Variants in GABRA2 observed in about 807,000 individuals in gnomAD.
The protein encoded by GABRA2 is gamma-aminobutyric acid receptor subunit alpha-2.
GABRA2 carries 16 observed loss-of-function variants against 48.7 expected under a neutral mutation model. That is an observed-to-expected ratio of 0.33 (90% CI 0.22 to 0.50). The LOEUF (loss-of-function observed/expected upper bound fraction) is 0.50, where lower values mean the gene tolerates loss of function less well. GABRA2 is among the 20% of genes least tolerant of loss of function. The pLI, the probability that GABRA2 is intolerant of heterozygous loss-of-function variation, is 0.98. For synonymous variants in GABRA2, 185 were observed against 184.5 expected (o/e 1.00, Z -0.02); for missense variants, 275 against 535.6 (o/e 0.51, Z 4.80).
At chr4:46,260,727 A>T (rs540053003) in intron 9 of GABRA2, 5 of 151,968 alleles carry the variant, frequency 3.3e-5, no homozygotes, top group Non-Finnish European at 5.9e-5. Context: ...ATTGTAATGG[A>T]AATGCTGAAA....
intron 4 of GABRA2, among the ~76,000 whole-genome samples, chr4:46,323,167 CAT>C (rs1729745389): frequency 1.3e-5 from 2 of 151,908 alleles, no homozygotes; most frequent in African/African-American, 2.4e-5. Context: ...ATCATTTGGG[CAT>C]ATCGCTATAA....
intron 3 of GABRA2, among the ~76,000 whole-genome samples, chr4:46,376,042 G>A (rs544532320): frequency 1.3e-5 from 2 of 152,256 alleles, no homozygotes; most frequent in African/African-American, 2.4e-5. Context: ...GAATGACAGT[G>A]TACATGCCTC....
Position 46,318,114 on chromosome 4 carries a change from G to A in GABRA2, c.256-5398C>T, listed in dbSNP as rs983134561. 4.0e-5 allele frequency among the ~76,000 whole-genome samples: 6 copies of A among 151,164 alleles called. No homozygotes were observed. In the South Asian group the frequency reaches 8.3e-4, roughly 21 times the overall value. On this transcript the variant is annotated intron_variant, in intron 4 of 9. Coordinates refer to ENST00000381620, the MANE Select transcript of GABRA2 (RefSeq NM_000807.4). ...ATAAATTTAGAATCTTTTAATTGCT[G>A]CAACATAATCTATTTAAGAAAAATA...
At chr4:46,337,281 G>C (rs1732410341) in intron 3 of GABRA2, among the ~76,000 whole-genome samples, 1 of 152,084 alleles carries the variant, frequency 6.6e-6, no homozygotes, top group African/African-American at 2.4e-5. Flanking sequence ...ATGGTCCTGA[G>C]CATCCTCTAA....
intron 8 of GABRA2, among the ~76,000 whole-genome samples, chr4:46,283,326 T>A (rs1037643255): frequency 6.6e-6 from 1 of 152,114 alleles, no homozygotes; most frequent in African/African-American, 2.4e-5. Flanking sequence ...GTATAATGAC[T>A]GGAGTATCAA....
At position 46,330,563 on chromosome 4, in the gene GABRA2, C is replaced by CATATATATATATAT. The variant is rs71955894; in HGVS notation, c.255+2038_255+2051dup. Among the ~76,000 whole-genome samples, 4 of 128,362 alleles carry CATATATATATATAT rather than the reference C, an allele frequency of 3.1e-5. No individual in the cohort carries two copies. In the East Asian group the frequency reaches 7.9e-4, roughly 25 times the overall value. The allele number at this position is 128,362 out of a possible 152,430, so 84.2% of individuals were successfully genotyped here. A position where few individuals can be genotyped will look rare whatever the true frequency, so the allele number is the denominator to read the frequency against. On this transcript the variant is annotated intron_variant, in intron 4 of 9. Transcript: ENST00000381620. ...GTTTGCATTTATGTATGTATATATG[C>CATATATATATATAT]ATATATATATATATATATATATATA...
At chr4:46,358,343 A>G (rs1736338402) in intron 3 of GABRA2, among the ~76,000 whole-genome samples, 1 of 152,190 alleles carries the variant, frequency 6.6e-6, no homozygotes, top group African/African-American at 2.4e-5. Context: ...CTGTTATTTA[A>G]CCTGCTATAC....
intron 3 of GABRA2, among the ~76,000 whole-genome samples, chr4:46,355,626 T>C (rs1012748766): frequency 6.6e-6 from 1 of 152,204 alleles, no homozygotes; most frequent in Non-Finnish European, 1.5e-5. Context: ...CTCATTTCAA[T>C]ATGTAGCAAT....
chr4:46,383,854 A>C lies in GABRA2; in HGVS notation c.187+2220T>G, dbSNP rs145153326. On this transcript the variant is annotated intron_variant, in intron 3 of 9. Transcript: ENST00000381620. ...AAGGAATAGATGAGAATGAATTATC[A>C]AGAGAAAATAAATAGATGTGTTTGA... is the stretch of plus-strand genomic sequence containing the variant. Among the ~76,000 whole-genome samples the C allele has an allele frequency of 8.4e-3, 1,282 of 152,294 alleles. 10 individuals are homozygous for C. The highest frequency in any genetic ancestry group is 0.029 in the African/African-American group (1,205 of 41,562).
chr4:46,262,658 C>T (rs1173452241), intron 8 of GABRA2, among the ~76,000 whole-genome samples: 10 of 152,080 alleles, frequency 6.6e-5, no homozygotes, highest in East Asian at 1.9e-4. Flanking sequence ...CCAGCACTTT[C>T]GGAAGCCGAA....
At chr4:46,348,426 C>T (rs1436894981) in intron 3 of GABRA2, among the ~76,000 whole-genome samples, 1 of 151,906 alleles carries the variant, frequency 6.6e-6, no homozygotes, top group Non-Finnish European at 1.5e-5. Context: ...CATTACTGGG[C>T]ATATAACCAA....
chr4:46,287,326 T>C (rs1420701014), intron 8 of GABRA2, among the ~76,000 whole-genome samples: 1 of 152,094 alleles, frequency 6.6e-6, no homozygotes, highest in Non-Finnish European at 1.5e-5. Flanking sequence ...CAGGCTCTTT[T>C]TTGGTTCTAC....
intron 4 of GABRA2, among the ~76,000 whole-genome samples, chr4:46,327,836 A>G (rs1730650605): frequency 6.6e-6 from 1 of 152,060 alleles, no homozygotes; most frequent in Non-Finnish European, 1.5e-5. Context: ...TAAACTCTGT[A>G]TCAGATATTT....
chr4:46,349,502 C>T (rs1194444849), intron 3 of GABRA2, among the ~76,000 whole-genome samples: 1 of 151,888 alleles, frequency 6.6e-6, no homozygotes, highest in South Asian at 2.1e-4. Flanking sequence ...AAATTTAAAG[C>T]AATGTTTTAG....
At chr4:46,290,304 A>G (rs930534128) in intron 8 of GABRA2, among the ~76,000 whole-genome samples, 2 of 151,974 alleles carry the variant, frequency 1.3e-5, no homozygotes, top group African/African-American at 4.8e-5. Flanking sequence ...GAATTTCTGA[A>G]AAAAAAAGCC....
In GABRA2 at chr4:46,250,443, T is replaced by A; in HGVS notation, c.1221A>T (p.Ala407=). The A allele has an allele frequency of 8.1e-6, 13 of 1,612,120 alleles. No individual in the cohort carries two copies. The highest frequency in any genetic ancestry group is 1.0e-5 in the Non-Finnish European group (12 of 1,178,670). ...TGCTAACACTGTTGAAAGTTTTCTTTGCTTCAGCTGGCTTGTTTTCTGGCT... is the reference window on the plus strand; with the variant it reads ...TGCTAACACTGTTGAAAGTTTTCTTAGCTTCAGCTGGCTTGTTTTCTGGCT... The part of the protein sequence containing the change: ...NKKPENKPAE[A]KKTFNSVSKI... Residue 407 remains alanine (A), a synonymous_variant, in exon 10 of 10, where the codon GCA becomes GCT. Coordinates refer to ENST00000381620, the MANE Select transcript of GABRA2 (RefSeq NM_000807.4).
chr4:46,320,276 A>G (rs1729234947), intron 4 of GABRA2, among the ~76,000 whole-genome samples: 1 of 151,884 alleles, frequency 6.6e-6, no homozygotes, highest in South Asian at 2.1e-4. Flanking sequence ...TATCCCATAC[A>G]CAAAAATCAA....
chr4:46,387,260 A>G (rs1717589602), intron 2 of GABRA2, among the ~76,000 whole-genome samples: 1 of 152,216 alleles, frequency 6.6e-6, no homozygotes, highest in African/African-American at 2.4e-5. Flanking sequence ...TTCAATGATT[A>G]TTAATTGATA....
chr4:46,315,133 G>T (rs1402455005), intron 4 of GABRA2, among the ~76,000 whole-genome samples: 2 of 134,758 alleles, frequency 1.5e-5, no homozygotes, highest in African/African-American at 2.7e-5. Flanking sequence ...ACTTTAGTCT[G>T]CATCTGTTTT....
Sources: allele counts gnomAD v4.1 joint callset (sites outside exome capture counted in the v4.1 genomes callset), GRCh38; gene constraint gnomAD v4.1.1; transcripts MANE v1.5; gene names NCBI Gene and HGNC (gene_info 2026-07-23, HGNC 2026-07-21).